Variants in RASGRF1 observed in about 807,000 individuals in gnomAD.
RASGRF1 encodes ras-specific guanine nucleotide-releasing factor 1.
In RASGRF1, 40 loss-of-function variants were observed where a neutral mutation model predicts 138.7. That is an observed-to-expected ratio of 0.29 (90% CI 0.22 to 0.38). The LOEUF (loss-of-function observed/expected upper bound fraction) is 0.38, where lower values mean the gene tolerates loss of function less well. Ranked by LOEUF, RASGRF1 falls within the 10% of genes least tolerant of loss-of-function variation. RASGRF1 has a pLI of 1.00. For synonymous variants in RASGRF1, 614 were observed against 663.2 expected (o/e 0.93, Z 1.14); for missense variants, 1,108 against 1,650.4 (o/e 0.67, Z 5.69).
At chr15:79,017,426 C>A (rs538635207) in intron 12 of RASGRF1, among the ~76,000 whole-genome samples, 8 of 152,274 alleles carry the variant, frequency 5.3e-5, no homozygotes, top group African/African-American at 1.4e-4. Flanking sequence ...TGCGGATTTA[C>A]AGGTCACATG....
At chr15:78,970,639 A>G (rs1243765171) in intron 26 of RASGRF1, among the ~76,000 whole-genome samples, 5 of 150,630 alleles carry the variant, frequency 3.3e-5, no homozygotes, top group Non-Finnish European at 7.4e-5. Context: ...AAAAAAAAAA[A>G]AAAAAAGAAA....
At chr15:78,999,987 C>T in intron 16 of RASGRF1, 74 bp from the exon 17 acceptor site, 1 of 1,519,692 alleles carries the variant, frequency 6.6e-7, no homozygotes, top group Non-Finnish European at 9.1e-7. Context: ...ACCAGGGGTC[C>T]CGAGGCTAGA....
intron 24 of RASGRF1, chr15:78,979,332 T>C (rs1335271304): frequency 3.2e-5 from 18 of 570,428 alleles, no homozygotes; most frequent in Non-Finnish European, 4.7e-5. Flanking sequence ...GGGTGAGCAG[T>C]CTGTCAAAGC....
intron 26 of RASGRF1, among the ~76,000 whole-genome samples, chr15:78,970,947 C>T (rs1424168550): frequency 6.6e-6 from 1 of 152,062 alleles, no homozygotes; most frequent in Non-Finnish European, 1.5e-5. Flanking sequence ...CGGACAAAGT[C>T]CCTGATCCTT....
In RASGRF1 at chr15:79,004,104, C is replaced by T. The variant is rs753792264; in HGVS notation, c.2147G>A (p.Arg716His). The change falls in exon 15 of 27, where the codon CGC (arginine) becomes CAC (histidine). Residue 716 changes from arginine to histidine, a missense_variant. Arg to His is a conservative substitution (Grantham distance 29). This residue lies in a region of RASGRF1 where 686 missense variants were observed against 976.7 expected (regional missense o/e 0.70). Coordinates refer to ENST00000558480, the MANE Select transcript of RASGRF1 (RefSeq NM_001145648.3). ...LLYGEPPKSP[R>H]ATRKFSSPPP... ...CGGCGAGGAGAACTTGCGGGTGGCG[C>T]GCGGGGACTTGGGGGGTTCACCGTA... 18 of 1,613,534 alleles carry T rather than the reference C, an allele frequency of 1.1e-5. No homozygotes were observed. Among genetic ancestry groups the T allele is most frequent in the Admixed American group, 3.3e-5 (2 of 59,968 alleles).
chr15:79,078,988 T>C (rs543016833), intron 1 of RASGRF1, among the ~76,000 whole-genome samples: 11 of 152,350 alleles, frequency 7.2e-5, no homozygotes, highest in African/African-American at 2.6e-4. Context: ...ATTCAGGAAG[T>C]GACTGCAACC....
At chr15:79,039,052 C>T (rs1204403651) in intron 5 of RASGRF1, among the ~76,000 whole-genome samples, 1 of 152,000 alleles carries the variant, frequency 6.6e-6, no homozygotes, top group Non-Finnish European at 1.5e-5. Flanking sequence ...GGTGAGGTGG[C>T]TCACGCCTGT....
In RASGRF1 at chr15:78,998,832, G is replaced by C. The variant is rs762148586; in HGVS notation, c.2747-7C>G. On this transcript the variant is annotated splice_polypyrimidine_tract_variant and splice_region_variant and intron_variant, in intron 17 of 26. Transcript: ENST00000558480. ...CTCTGGTCTGGGGGAAACCCTGGCA[G>C]CATGCGTGGCAGAGGGGAGAGAGGA... 4.4e-6 allele frequency: 7 copies of C among 1,602,768 alleles called. No individual in the cohort carries two copies. In the African/African-American group the frequency reaches 9.4e-5, roughly 21 times the overall value.
chr15:79,090,234 G>T lies in RASGRF1; in HGVS notation c.265C>A (p.Leu89Met). 2 of 1,605,486 alleles carry T rather than the reference G, an allele frequency of 1.2e-6. No homozygotes were observed. The highest frequency in any genetic ancestry group is 1.7e-6 in the Non-Finnish European group (2 of 1,177,678). ...PKPALSAKEP[L>M]EKQHYFTVNF... ...GACGCTCGCCTCACCTGTTTCTCCA[G>T]CGGCTCCTTGGCCGACAGCGCCGGC... Residue 89 changes from leucine to methionine, a missense_variant, in exon 1 of 27, where the codon CTG becomes ATG. Physicochemically the swap from Leu to Met is conservative, Grantham distance 15. This residue lies in a region of RASGRF1 where 253 missense variants were observed against 329.5 expected (regional missense o/e 0.77). Coordinates refer to ENST00000558480, the MANE Select transcript of RASGRF1 (RefSeq NM_001145648.3).
At chr15:79,035,232 C>A in intron 5 of RASGRF1, 22 bp from the exon 6 acceptor site, 1 of 1,595,230 alleles carries the variant, frequency 6.3e-7, no homozygotes, top group South Asian at 1.1e-5. Flanking sequence ...AGCACAGGGT[C>A]AGCTCTGCCC....
At chr15:79,028,818 C>T (rs947659394) in intron 8 of RASGRF1, among the ~76,000 whole-genome samples, 3 of 152,234 alleles carry the variant, frequency 2.0e-5, no homozygotes, top group Non-Finnish European at 4.4e-5. Flanking sequence ...TTACAAACTT[C>T]TCTCATAGAC....
chr15:79,071,938 A>G (rs1174624840), intron 1 of RASGRF1, among the ~76,000 whole-genome samples: 2 of 152,122 alleles, frequency 1.3e-5, no homozygotes, highest in East Asian at 3.8e-4. Flanking sequence ...TAGAAATCTG[A>G]ACACATATCT....
chr15:79,062,883 A>C (rs1353300335), intron 2 of RASGRF1, among the ~76,000 whole-genome samples: 1 of 145,220 alleles, frequency 6.9e-6, no homozygotes, highest in Non-Finnish European at 1.5e-5. Context: ...TTGCCTCTTC[A>C]TTATTCTTGG....
intron 26 of RASGRF1, among the ~76,000 whole-genome samples, chr15:78,968,882 C>T (rs917986904): frequency 1.3e-5 from 2 of 152,154 alleles, no homozygotes; most frequent in Non-Finnish European, 2.9e-5. Context: ...ATTCTCCACC[C>T]CTGATACCCG....
chr15:79,048,271 G>A (rs1455038985), intron 4 of RASGRF1, among the ~76,000 whole-genome samples: 1 of 152,172 alleles, frequency 6.6e-6, no homozygotes, highest in African/African-American at 2.4e-5. Context: ...GGTGGGGGAT[G>A]TCATAAGGTG....
intron 1 of RASGRF1, among the ~76,000 whole-genome samples, chr15:79,068,027 G>A (rs1422890034): frequency 6.6e-6 from 1 of 152,032 alleles, no homozygotes; most frequent in Non-Finnish European, 1.5e-5. Flanking sequence ...AGTGGTGTGG[G>A]GAAAAAAAAG....
In RASGRF1 at chr15:78,996,551, C is replaced by T. The variant is rs192026589; in HGVS notation, c.2967-751G>A. Reference sequence around the variant, plus strand: ...CAGGGAACTGCCTCACCTGGGGTCCCGCAGCTGGAGCATGGTGGGCCCACG... The same window carrying T: ...CAGGGAACTGCCTCACCTGGGGTCCTGCAGCTGGAGCATGGTGGGCCCACG... On this transcript the variant is annotated intron_variant, in intron 19 of 26. Transcript: ENST00000558480. 3.7e-3 allele frequency among the ~76,000 whole-genome samples: 558 copies of T among 152,246 alleles called. 6 individuals are homozygous for T. Among genetic ancestry groups the T allele is most frequent in the African/African-American group, 0.013 (539 of 41,542 alleles).
At chr15:79,041,040 T>C (rs948168411) in intron 5 of RASGRF1, among the ~76,000 whole-genome samples, 1 of 152,232 alleles carries the variant, frequency 6.6e-6, no homozygotes, top group Non-Finnish European at 1.5e-5. Flanking sequence ...ACAATTCTAG[T>C]AGGCACCATT....
chr15:79,012,347 T>C (rs2056812252), intron 13 of RASGRF1: 1 of 661,778 alleles, frequency 1.5e-6, no homozygotes, highest in Non-Finnish European at 2.7e-6. Context: ...CTGTGCCAGG[T>C]AGATCTATCA....
Sources: gnomAD v4.1 joint callset for allele counts (sites outside exome capture counted in the v4.1 genomes callset) on GRCh38, gnomAD v4.1.1 for gene constraint, gnomAD v4.1.1 regional missense constraint, MANE v1.5 for transcripts, NCBI Gene and HGNC (gene_info 2026-07-23, HGNC 2026-07-21) for gene names.